The following IGSF10 variants were observed in gnomAD, a reference collection of about 807,000 sequenced individuals.
IGSF10 encodes immunoglobulin superfamily member 10.
IGSF10 carries 126 observed loss-of-function variants against 128.2 expected under a neutral mutation model. The ratio of observed to expected loss-of-function variants is 0.98; its 90% CI spans 0.85 to 1.14. The LOEUF (loss-of-function observed/expected upper bound fraction) is 1.14, where lower values mean the gene tolerates loss of function less well. Ranked by LOEUF, IGSF10 falls within the 50% of genes most tolerant of loss-of-function variation. The pLI, the probability that IGSF10 is intolerant of heterozygous loss-of-function variation, is 0.00. For synonymous variants in IGSF10, 1,185 were observed against 1,146.2 expected (o/e 1.03, Z -0.68); for missense variants, 3,295 against 3,149.8 (o/e 1.05, Z -1.10).
the IGSF10 span, among the ~76,000 whole-genome samples, chr3:151,471,058 A>G: frequency 1.3e-5 from 2 of 152,126 alleles, no homozygotes; most frequent in Non-Finnish European, 1.5e-5. Flanking sequence ...GAATTGTAAT[A>G]ATCCCTGTGG....
At chr3:151,489,983 A>T in the IGSF10 span, among the ~76,000 whole-genome samples, 1 of 151,852 alleles carries the variant, frequency 6.6e-6, no homozygotes, top group African/African-American at 2.4e-5. Context: ...CAAAAGATGA[A>T]GGAATGAAGC....
chr3:151,615,179 C>T, the IGSF10 span, among the ~76,000 whole-genome samples: 1 of 151,340 alleles, frequency 6.6e-6, no homozygotes, highest in East Asian at 1.9e-4. Flanking sequence ...GATTAAAATG[C>T]ATATGTTAAC....
the IGSF10 span, among the ~76,000 whole-genome samples, chr3:151,540,954 T>A: frequency 6.6e-6 from 1 of 152,182 alleles, no homozygotes; most frequent in African/African-American, 2.4e-5. Flanking sequence ...AACAACCATC[T>A]ACATTTTAAG....
the IGSF10 span, among the ~76,000 whole-genome samples, chr3:151,558,107 T>C: frequency 6.9e-6 from 1 of 145,416 alleles, no homozygotes; most frequent in Non-Finnish European, 1.5e-5. Context: ...ATTTTTCATG[T>C]ATAATCTTTA....
Position 151,445,701 on chromosome 3 carries a change from G to A in IGSF10, c.4280C>T (p.Ala1427Val). 6.2e-7 allele frequency: 1 copy of A among 1,614,230 alleles called. No homozygotes were observed. ...LTDVIEELAQ[A>V]STQTLKSTIA... ...TGTGCTCTTCAAAGTCTGAGTACTT[G>A]CTTGGGCTAGTTCTTCAATCACATC... The change falls in exon 6 of 8, where the codon GCA (alanine) becomes GTA (valine). Residue 1427 changes from alanine to valine, a missense_variant. Transcript: ENST00000282466.
rs2108544409 is a variant in IGSF10 at position 151,443,838 on chromosome 3, G to A, written c.5109C>T (p.Leu1703=). 2.5e-6 allele frequency: 4 copies of A among 1,613,950 alleles called. No homozygotes were observed. Among genetic ancestry groups the A allele is most frequent in the Non-Finnish European group, 3.4e-6 (4 of 1,179,890 alleles). ...TCTGGATGGACAGGGTACCATTGGG[G>A]AGAACCTGGACCCTGCTATTCTGTT... ...KRKQNSRVQV[L]PNGTLSIQRV... The change falls in exon 7 of 8, where the codon CTC becomes CTT. Residue 1703 remains leucine, a synonymous_variant. Coordinates refer to ENST00000282466, the MANE Select transcript of IGSF10 (RefSeq NM_178822.5).
At chr3:151,484,881 T>C in the IGSF10 span, among the ~76,000 whole-genome samples, 1 of 152,074 alleles carries the variant, frequency 6.6e-6, no homozygotes, top group Non-Finnish European at 1.5e-5. Context: ...TTCCAAAAAC[T>C]GGAAAGCCTC....
At chr3:151,435,966 T>G (rs1251491495), downstream of IGSF10, 1 of 152,196 alleles carries the variant, frequency 6.6e-6, no homozygotes. Context: ...CTGAGCTAGA[T>G]TTTAAAGTTA....
At chr3:151,433,817 G>A (rs1264731675), downstream of IGSF10, 1 of 152,586 alleles carries the variant, frequency 6.6e-6, no homozygotes, top group Non-Finnish European at 1.5e-5. Flanking sequence ...TTGCTCTTTT[G>A]AATTTAATTA....
chr3:151,543,120 A>G, the IGSF10 span, among the ~76,000 whole-genome samples: 5,609 of 152,254 alleles, frequency 0.037, 147 homozygotes, highest in Non-Finnish European at 0.054. Context: ...TACATTATGA[A>G]TATTTGTAAG....
chr3:151,588,441 T>A, the IGSF10 span, among the ~76,000 whole-genome samples: 1 of 152,206 alleles, frequency 6.6e-6, no homozygotes, highest in African/African-American at 2.4e-5. Context: ...GATACTTATT[T>A]TTTTCCCTAT....
chr3:151,446,669 A>G lies in IGSF10; in HGVS notation c.3312T>C (p.Thr1104=). ...IARVPSEEST[T]LVQNPLLLLE... is the part of the protein sequence containing the mutation. ...GTAGTAATAGTGGATTCTGGACTAG[A>G]GTTGTAGACTCTTCTGATGGGACTC... The change falls in exon 6 of 8, where the codon ACT becomes ACC. Residue 1104 remains threonine (T), a synonymous_variant. Coordinates refer to ENST00000282466, the MANE Select transcript of IGSF10 (RefSeq NM_178822.5). The G allele has an allele frequency of 6.2e-7, 1 of 1,613,936 alleles. No homozygotes were observed. The highest frequency in any genetic ancestry group is 8.5e-7 in the Non-Finnish European group (1 of 1,179,908).
At chr3:151,545,383 C>T in the IGSF10 span, among the ~76,000 whole-genome samples, 1 of 152,226 alleles carries the variant, frequency 6.6e-6, no homozygotes, top group Non-Finnish European at 1.5e-5. Context: ...AGATTTTTCT[C>T]TTGAGCTGCT....
At chr3:151,528,899 T>C in the IGSF10 span, among the ~76,000 whole-genome samples, 5 of 140,716 alleles carry the variant, frequency 3.6e-5, no homozygotes, top group African/African-American at 5.4e-5. Flanking sequence ...GGGAGCCAAG[T>C]GGTCTGGCTT....
Position 151,442,929 on chromosome 3 carries a change from G to C in IGSF10, c.5963+55C>G. On this transcript the variant is annotated intron_variant, in intron 7 of 7. Coordinates refer to ENST00000282466, the MANE Select transcript of IGSF10 (RefSeq NM_178822.5). ...CTGTGTCACTTTTTCCATTTCAGAA[G>C]TTGTACAGCTAAATACATAAAGCAG... The C allele has an allele frequency of 2.0e-6, 3 of 1,482,532 alleles. No homozygotes were observed. The South Asian group carries it at 4.1e-5, about 20-fold the overall frequency. The allele number at this position is 1,482,532 out of a possible 1,614,324, so 91.8% of individuals were successfully genotyped here. A position where few individuals can be genotyped will look rare whatever the true frequency, so the allele number is the denominator to read the frequency against.
At chr3:151,498,783 C>T in the IGSF10 span, among the ~76,000 whole-genome samples, 2 of 152,082 alleles carry the variant, frequency 1.3e-5, no homozygotes, top group Non-Finnish European at 2.9e-5. Flanking sequence ...ATTTTTCCCC[C>T]ATAATGGACC....
chr3:151,499,762 C>T, the IGSF10 span: 1 of 152,100 alleles, frequency 6.6e-6, no homozygotes, highest in African/African-American at 2.4e-5. Context: ...GATTAAAATG[C>T]ACTTTATAAT....
At chr3:151,604,322 A>G in the IGSF10 span, among the ~76,000 whole-genome samples, 2 of 152,102 alleles carry the variant, frequency 1.3e-5, no homozygotes. Flanking sequence ...TAGTATTTAT[A>G]TCCTATGGTA....
At chr3:151,484,773 G>A in the IGSF10 span, among the ~76,000 whole-genome samples, 3,412 of 150,744 alleles carry the variant, frequency 0.023, 125 homozygotes, top group African/African-American at 0.079. Flanking sequence ...CAAAAAGGAC[G>A]TCTACTCGGA....
Sources: allele counts gnomAD v4.1 joint callset (sites outside exome capture counted in the v4.1 genomes callset), GRCh38; gene constraint gnomAD v4.1.1; transcripts MANE v1.5; gene names NCBI Gene and HGNC (gene_info 2026-07-23, HGNC 2026-07-21).